Variants in UGT1A10 observed in about 807,000 individuals in gnomAD.
UGT1A10 encodes UDP-glucuronosyltransferase 1A10.
Under a neutral mutation model 45.8 loss-of-function variants are expected in UGT1A10, and 49 were observed. The ratio of observed to expected loss-of-function variants is 1.07; its 90% CI spans 0.85 to 1.36. The LOEUF is 1.36. UGT1A10 is among the 40% of genes most tolerant of loss of function. The pLI is 0.00. For missense variants in UGT1A10, 745 were observed against 668.6 expected, an observed-to-expected ratio of 1.11 and a Z score of -1.26; for synonymous variants, 284 against 249.7, an observed-to-expected ratio of 1.14 and a Z score of -1.29.
intron 1 of UGT1A10, among the ~76,000 whole-genome samples, chr2:233,684,687 A>AGAT (rs1265128728): frequency 3.3e-5 from 5 of 152,254 alleles, no homozygotes; most frequent in African/African-American, 1.2e-4. Context: ...TAGGATTTAT[A>AGAT]GATGTGGAAG....
At chr2:233,672,462 T>A (rs772087611) in intron 1 of UGT1A10, 1 of 1,613,978 alleles carries the variant, frequency 6.2e-7, no homozygotes, top group Non-Finnish European at 8.5e-7. Context: ...TTTGCCACTA[T>A]CTTGAAGAAG....
intron 1 of UGT1A10, chr2:233,729,114 G>A: frequency 6.2e-7 from 1 of 1,612,948 alleles, no homozygotes. Context: ...AGCTGTCCGT[G>A]TCTTCTGCTG....
At chr2:233,729,839 T>A (rs749325726) in intron 1 of UGT1A10, 14 of 1,613,780 alleles carry the variant, frequency 8.7e-6, no homozygotes, top group Non-Finnish European at 4.2e-6. Context: ...GCCTCTGAGC[T>A]TTTTCAGAGA....
intron 1 of UGT1A10, among the ~76,000 whole-genome samples, chr2:233,661,318 C>T (rs776836823): frequency 1.3e-5 from 2 of 152,064 alleles, no homozygotes; most frequent in South Asian, 2.1e-4. Context: ...GCTGTGCACA[C>T]CATGGTGCTG....
intron 1 of UGT1A10, among the ~76,000 whole-genome samples, chr2:233,702,882 G>T (rs1405599781): frequency 6.6e-6 from 1 of 152,086 alleles, no homozygotes; most frequent in East Asian, 1.9e-4. Context: ...GAGGACTTTT[G>T]CATCATATCC....
chr2:233,644,724 A>C (rs1040485812), intron 1 of UGT1A10, among the ~76,000 whole-genome samples: 2 of 152,026 alleles, frequency 1.3e-5, no homozygotes, highest in African/African-American at 4.8e-5. Context: ...TTTATGCCAC[A>C]CCGCCACTGT....
chr2:233,679,240 A>G (rs951456615), intron 1 of UGT1A10, among the ~76,000 whole-genome samples: 71 of 152,242 alleles, frequency 4.7e-4, no homozygotes, highest in Non-Finnish European at 7.9e-4. Flanking sequence ...CAATATCGAA[A>G]GAACTTTAAA....
intron 1 of UGT1A10, among the ~76,000 whole-genome samples, chr2:233,761,350 G>A (rs572501988): frequency 2.6e-5 from 4 of 152,266 alleles, no homozygotes; most frequent in South Asian, 2.1e-4. Context: ...CTGAGATTTC[G>A]GGAAAGCATT....
intron 1 of UGT1A10, among the ~76,000 whole-genome samples, chr2:233,640,738 T>C (rs2073429158): frequency 1.3e-5 from 2 of 152,150 alleles, no homozygotes; most frequent in African/African-American, 2.4e-5. Context: ...TGTAACCTCC[T>C]GATAGGCCAA....
At chr2:233,696,823 G>A (rs1055061621) in intron 1 of UGT1A10, among the ~76,000 whole-genome samples, 3 of 152,150 alleles carry the variant, frequency 2.0e-5, no homozygotes, top group Non-Finnish European at 4.4e-5. Context: ...TATTGAGAGT[G>A]TGTATCATAA....
chr2:233,769,856 T>TAAA lies in UGT1A10; in HGVS notation c.1295+1417_1295+1418insAAA. ...CTGGGCAACAGAGTGAGACCCTGTCTCAAAAAAAAAAAAAAAAATGAAAAG... is the reference window on the plus strand; with the variant it reads ...CTGGGCAACAGAGTGAGACCCTGTCTAAACAAAAAAAAAAAAAAAAATGAAAAG... On this transcript the variant is annotated intron_variant, in intron 4 of 4. Transcript: ENST00000344644. This position sits in a 1 kb window ranked among gnomAD's most constrained non-coding sequence, Gnocchi z 4.4. 1 of 322,430 alleles carries TAAA rather than the reference T, an allele frequency of 3.1e-6. No individual in the cohort carries two copies. The highest frequency in any genetic ancestry group is 5.0e-6 in the Non-Finnish European group (1 of 199,342). 20.0% of individuals were successfully genotyped at this position (322,430 alleles called of 1,614,324 possible).
At chr2:233,710,108 C>T (rs991236608) in intron 1 of UGT1A10, among the ~76,000 whole-genome samples, 4 of 152,152 alleles carry the variant, frequency 2.6e-5, no homozygotes, top group Non-Finnish European at 4.4e-5. Flanking sequence ...ATATTTCATT[C>T]GTTTCTATTT....
intron 1 of UGT1A10, among the ~76,000 whole-genome samples, chr2:233,753,908 C>T (rs1252814204): frequency 6.6e-6 from 1 of 152,246 alleles, no homozygotes; most frequent in South Asian, 2.1e-4. Context: ...CTTCTTACAC[C>T]GATTTCAGCT....
chr2:233,637,682 C>A (rs147103811), intron 1 of UGT1A10, among the ~76,000 whole-genome samples: 55 of 152,194 alleles, frequency 3.6e-4, no homozygotes, highest in Non-Finnish European at 6.9e-4. Flanking sequence ...TTTGTTAATT[C>A]TATGTGACCC....
chr2:233,746,509 A>C (rs1693414450), intron 1 of UGT1A10, among the ~76,000 whole-genome samples: 1 of 151,796 alleles, frequency 6.6e-6, no homozygotes, highest in Admixed American at 6.5e-5. Flanking sequence ...AGTAGCCCCC[A>C]AAGCAAGACC....
intron 1 of UGT1A10, among the ~76,000 whole-genome samples, chr2:233,701,433 A>G (rs2075627633): frequency 6.6e-6 from 1 of 152,256 alleles, no homozygotes; most frequent in Admixed American, 6.5e-5. Context: ...TAGACAGATC[A>G]ACGAGACAGA....
intron 1 of UGT1A10, among the ~76,000 whole-genome samples, chr2:233,761,833 G>A (rs549701832): frequency 6.6e-6 from 1 of 152,304 alleles, no homozygotes; most frequent in Admixed American, 6.5e-5. Flanking sequence ...CAGATGGAGC[G>A]TTAGGGAATT....
intron 1 of UGT1A10, among the ~76,000 whole-genome samples, chr2:233,757,570 G>C (rs1278180964): frequency 1.3e-5 from 1 of 75,608 alleles, no homozygotes; most frequent in African/African-American, 6.1e-5. Context: ...ATGTATATAT[G>C]ATATAGCTAT....
At chr2:233,743,809 AGGGTTTTTGTC>A in intron 1 of UGT1A10, 1 of 1,367,146 alleles carries the variant, frequency 7.3e-7, no homozygotes, top group Non-Finnish European at 9.8e-7. Context: ...CCTTGTTCTC[AGGGTTTTTGTC>A]GGGGTGCCAC....
Sources: gnomAD v4.1 joint callset for allele counts (sites outside exome capture counted in the v4.1 genomes callset) on GRCh38, gnomAD v4.1.1 for gene constraint, Gnocchi (gnomAD v3.1) non-coding constraint, MANE v1.5 for transcripts, NCBI Gene and HGNC (gene_info 2026-07-23, HGNC 2026-07-21) for gene names.